ZNF560: variants seen among roughly 807,000 people sequenced by gnomAD.
The protein encoded by ZNF560 is zinc finger protein 560.
ZNF560 carries 54 observed loss-of-function variants against 81.8 expected under a neutral mutation model. The ratio of observed to expected loss-of-function variants is 0.66; its 90% CI spans 0.53 to 0.83. The LOEUF (loss-of-function observed/expected upper bound fraction) is 0.83. Among genes scored for constraint, ZNF560 ranks in the 40% least tolerant of loss-of-function variants. ZNF560 has a pLI of 0.00. For synonymous variants in ZNF560, 321 were observed against 317.9 expected (o/e 1.01, Z -0.10); for missense variants, 940 against 932.4 (o/e 1.01, Z -0.11).
At chr19:9,482,810 G>A (rs1258114185) in intron 2 of ZNF560, among the ~76,000 whole-genome samples, 3 of 152,144 alleles carry the variant, frequency 2.0e-5, no homozygotes, top group Non-Finnish European at 4.4e-5. Flanking sequence ...TTGCAGGCGT[G>A]CGCCACCATG....
intron 2 of ZNF560, among the ~76,000 whole-genome samples, chr19:9,479,152 A>C (rs1481304813): frequency 6.6e-6 from 1 of 151,080 alleles, no homozygotes; most frequent in Non-Finnish European, 1.5e-5. Flanking sequence ...ATGCCACTAT[A>C]CTCCAGCCTG....
chr19:9,473,202 G>T lies in ZNF560; in HGVS notation c.215C>A (p.Thr72Asn). Residue 72 changes from threonine to asparagine, a missense_variant, in exon 5 of 10, where the codon ACC (threonine) becomes AAC (asparagine). Physicochemically the swap from Thr to Asn is moderately conservative, Grantham distance 65 (BLOSUM62 0). Coordinates refer to ENST00000301480, the MANE Select transcript of ZNF560 (RefSeq NM_152476.3). ...ACCTTGGAGAACTCCTTGCTGCAAG[G>T]TTCTCAACTCTTCTTCTTCCAACCA... The part of the protein sequence containing the change: ...ISWLEEEELR[T>N]LQQGVLQDWA... 6.2e-7 allele frequency: 1 copy of T among 1,613,818 alleles called. No homozygotes were observed. The highest frequency in any genetic ancestry group is 8.5e-7 in the Non-Finnish European group (1 of 1,179,854).
the ZNF560 span, among the ~76,000 whole-genome samples, chr19:9,450,155 G>C: frequency 6.6e-6 from 1 of 150,848 alleles, no homozygotes; most frequent in Non-Finnish European, 1.5e-5. Flanking sequence ...GCTGGACGCA[G>C]TGGCAGGCGC....
chr19:9,466,812 T>C lies in ZNF560; in HGVS notation c.2135A>G (p.Tyr712Cys). The C allele has an allele frequency of 8.7e-6, 14 of 1,614,072 alleles. No homozygotes were observed. The highest frequency in any genetic ancestry group is 1.0e-5 in the Non-Finnish European group (12 of 1,179,990). ...GGCTTTCCCACAGTCCTTACATTTA[T>C]AGGGTTTTATTTTGGTGAGAGTTTT... ...RLKTLTKIKP[Y>C]KCKDCGKAFT... Residue 712 changes from tyrosine to cysteine, a missense_variant, in exon 10 of 10, where the codon TAT becomes TGT. Transcript: ENST00000301480.
At chr19:9,475,764 G>T (rs1048856016) in intron 2 of ZNF560, among the ~76,000 whole-genome samples, 1 of 151,770 alleles carries the variant, frequency 6.6e-6, no homozygotes, top group East Asian at 1.9e-4. Flanking sequence ...CTGCCACCAC[G>T]CCCGGCTAAT....
the ZNF560 span, among the ~76,000 whole-genome samples, chr19:9,448,472 G>C: frequency 5.6e-5 from 8 of 142,822 alleles, no homozygotes; most frequent in East Asian, 8.3e-4. Context: ...CTGACCTGAG[G>C]TGTCCACCCT....
rs375379880 is a variant in ZNF560, at chr19:9,466,591, G to A, written c.2356C>T (p.His786Tyr). ...GCTTCTCTCTAGTGTGTTTTCAAAT[G>A]TGCAATACGAGCTGAGAAAGAAGCA... is the stretch of plus-strand genomic sequence containing the variant. ...AFASFSARIA[H>Y]LKTH Residue 786 changes from histidine to tyrosine, a missense_variant, in exon 10 of 10, where the codon CAT becomes TAT. By Grantham distance (83) the His-to-Tyr change is moderately conservative (BLOSUM62 2). Transcript: ENST00000301480. 2 of 1,601,890 alleles carry A rather than the reference G, an allele frequency of 1.2e-6. No individual in the cohort carries two copies. The highest frequency in any genetic ancestry group is 2.2e-5 in the South Asian group (2 of 89,466).
chr19:9,449,996 A>AAAAAAAAAC, the ZNF560 span, among the ~76,000 whole-genome samples: 59 of 115,886 alleles, frequency 5.1e-4, no homozygotes, highest in East Asian at 1.0e-3. Flanking sequence ...AAAAAAAAAA[A>AAAAAAAAAC]AACAACTGAA....
the ZNF560 span, among the ~76,000 whole-genome samples, chr19:9,451,369 A>G: frequency 6.6e-6 from 1 of 152,200 alleles, no homozygotes; most frequent in African/African-American, 2.4e-5. Flanking sequence ...AGCAATAGAG[A>G]AAGAATTCCC....
At chr19:9,473,310 G>C in intron 4 of ZNF560, 51 bp from the exon 5 acceptor site, 2 of 1,417,552 alleles carry the variant, frequency 1.4e-6, no homozygotes, top group Non-Finnish European at 1.9e-6. Flanking sequence ...GCCAGGCACA[G>C]TGGCTCATGC....
the ZNF560 span, among the ~76,000 whole-genome samples, chr19:9,450,239 C>T: frequency 6.6e-6 from 1 of 150,874 alleles, no homozygotes; most frequent in Non-Finnish European, 1.5e-5. Context: ...TGCAGTGAGC[C>T]GAGATCGCGC....
At chr19:9,487,207 G>A (rs186561542) in intron 2 of ZNF560, among the ~76,000 whole-genome samples, 53 of 152,266 alleles carry the variant, frequency 3.5e-4, no homozygotes, top group African/African-American at 8.7e-4. Context: ...TTCCATCTGC[G>A]AGGACCACCC....
chr19:9,469,118 T>C lies in ZNF560; in HGVS notation c.599A>G (p.Asn200Ser), dbSNP rs1276318495. The C allele has an allele frequency of 2.5e-6, 4 of 1,591,924 alleles. No individual in the cohort carries two copies. The South Asian group carries it at 4.6e-5, about 18-fold the overall frequency. ...WQDNFCLKTLNGIQLARNQNG... is the reference protein window; with the variant it reads ...WQDNFCLKTLSGIQLARNQNG... The stretch of plus-strand genomic sequence containing the variant: ...TGTTAATCTTACCAACTGTATCCCA[T>C]TTAATGTTTTTAAACAAAAATTATC... The change falls in exon 9 of 10, where the codon AAT becomes AGT. Residue 200 changes from asparagine (N) to serine (S), a missense_variant. Transcript: ENST00000301480.
chr19:9,454,888 A>C, the ZNF560 span, among the ~76,000 whole-genome samples: 1 of 152,114 alleles, frequency 6.6e-6, no homozygotes, highest in African/African-American at 2.4e-5. Context: ...GAGATAAAAG[A>C]ACAGATCCGT....
At chr19:9,452,049 C>G in the ZNF560 span, among the ~76,000 whole-genome samples, 1 of 151,910 alleles carries the variant, frequency 6.6e-6, no homozygotes, top group Non-Finnish European at 1.5e-5. Flanking sequence ...GCGCTCCAGC[C>G]TGGGTGACAC....
At chr19:9,484,834 TA>T (rs987556888) in intron 2 of ZNF560, among the ~76,000 whole-genome samples, 16 of 124,514 alleles carry the variant, frequency 1.3e-4, no homozygotes, top group African/African-American at 4.3e-4. Flanking sequence ...CTTTAAAAAA[TA>T]AAAAAAAGAA....
chr19:9,455,721 A>C, the ZNF560 span, among the ~76,000 whole-genome samples: 2 of 152,208 alleles, frequency 1.3e-5, no homozygotes, highest in African/African-American at 4.8e-5. Context: ...TGCTAATCCC[A>C]AGTGCCAGGC....
chr19:9,466,647 G>C lies in ZNF560; in HGVS notation c.2300C>G (p.Pro767Arg). ...QHLRTHMGEK[P>R]FECDQCGKAF... ...TTTCCCACACTGGTCACATTCAAAG[G>C]GTTTCTCTCCCATATGAGTTCTTAA... Residue 767 changes from proline to arginine, a missense_variant, in exon 10 of 10, where the codon CCC (proline) becomes CGC (arginine). Pro to Arg is a moderately radical substitution (Grantham distance 103). Transcript: ENST00000301480. The C allele has an allele frequency of 6.2e-7, 1 of 1,613,612 alleles. No homozygotes were observed. The highest frequency in any genetic ancestry group is 1.3e-5 in the African/African-American group (1 of 74,986).
intron 2 of ZNF560, among the ~76,000 whole-genome samples, chr19:9,484,933 C>T (rs567543664): frequency 6.6e-6 from 1 of 151,720 alleles, no homozygotes; most frequent in South Asian, 2.1e-4. Context: ...TACAGAAATA[C>T]AAAGGATCAT....
Sources: gnomAD v4.1 joint callset for allele counts (sites outside exome capture counted in the v4.1 genomes callset) on GRCh38, gnomAD v4.1.1 for gene constraint, MANE v1.5 for transcripts, NCBI Gene and HGNC (gene_info 2026-07-23, HGNC 2026-07-21) for gene names.